CCDC186: variants seen among roughly 807,000 people sequenced by gnomAD.
CCDC186 encodes coiled-coil domain containing 186, also known as coiled-coil domain-containing protein 186.
Under a neutral mutation model 113.7 loss-of-function variants are expected in CCDC186, and 49 were observed. That is an observed-to-expected ratio of 0.43 (90% CI 0.34 to 0.55). The LOEUF (loss-of-function observed/expected upper bound fraction) is 0.55, where lower values mean the gene tolerates loss of function less well. Among genes scored for constraint, CCDC186 ranks in the 20% least tolerant of loss-of-function variants. The probability of loss-of-function intolerance (pLI) is 0.02; values close to 1 mark genes in which losing one functional copy is unlikely to be tolerated. For missense variants in CCDC186, 890 were observed against 1,011.1 expected (o/e 0.88, Z 1.62); for synonymous variants, 355 against 345.8 (o/e 1.03, Z -0.30).
chr10:114,162,424 T>G, intron 2 of CCDC186: 1 of 396,186 alleles, frequency 2.5e-6, no homozygotes, highest in Non-Finnish European at 4.4e-6. Context: ...CGTTAATACA[T>G]TTACACTATT....
At chr10:114,167,749 G>A (rs920147760) in intron 1 of CCDC186, among the ~76,000 whole-genome samples, 7 of 141,306 alleles carry the variant, frequency 5.0e-5, no homozygotes, top group South Asian at 2.3e-4. Context: ...GATTTATTGC[G>A]CCCAGGAGTT....
intron 1 of CCDC186, 120 bp from the exon 2 acceptor site, chr10:114,163,449 A>G: frequency 1.2e-6 from 1 of 821,088 alleles, no homozygotes; most frequent in East Asian, 2.8e-5. Flanking sequence ...CAATTCCTTT[A>G]AAAGCCTGTC....
In CCDC186 at chr10:114,138,476, TAG is replaced by T. The variant is rs2031355229; in HGVS notation, c.1222-1188_1222-1187del. ...ATTCAGCTAATTTTTGTATTTTTAGTAGAGATAGGTTTTGGCCAGGCTGGTCT... is the reference window on the plus strand; with the variant it reads ...ATTCAGCTAATTTTTGTATTTTTAGTAGATAGGTTTTGGCCAGGCTGGTCT... On this transcript the variant is annotated intron_variant, in intron 6 of 15. Transcript: ENST00000369287. Among the ~76,000 whole-genome samples, 7 of 151,610 alleles carry T rather than the reference TAG, an allele frequency of 4.6e-5. 1 individual carries two copies. In the South Asian group the frequency reaches 1.5e-3, roughly 32 times the overall value.
chr10:114,156,254 T>C (rs1033948670), intron 3 of CCDC186, among the ~76,000 whole-genome samples: 2 of 152,270 alleles, frequency 1.3e-5, no homozygotes, highest in African/African-American at 2.4e-5. Context: ...AATTGTTTAC[T>C]GTTATTTTCA....
intron 2 of CCDC186, among the ~76,000 whole-genome samples, chr10:114,159,332 A>C (rs892364258): frequency 6.6e-6 from 1 of 152,222 alleles, no homozygotes; most frequent in Non-Finnish European, 1.5e-5. Flanking sequence ...TCAATTTGTT[A>C]CTTATGTGCC....
chr10:114,164,304 G>C (rs1214501892), intron 1 of CCDC186, among the ~76,000 whole-genome samples: 1 of 151,096 alleles, frequency 6.6e-6, no homozygotes, highest in Non-Finnish European at 1.5e-5. Context: ...GTATTTTTAG[G>C]AAGAGATAGG....
At chr10:114,146,970 AT>A (rs2031657838) in intron 4 of CCDC186, among the ~76,000 whole-genome samples, 1 of 152,196 alleles carries the variant, frequency 6.6e-6, no homozygotes, top group African/African-American at 2.4e-5. Context: ...CCCAATTGGG[AT>A]TTGTTTCCAT....
At position 114,123,603 on chromosome 10, in the gene CCDC186, A is replaced by G. The variant is rs1256735060; in HGVS notation, c.*1540T>C. ...AAACAAGGCTTGCTGCAATATCTGC[A>G]TAAGAGCCACGGTATCTTATTATAG... On this transcript the variant is annotated 3_prime_UTR_variant, in exon 16 of 16. Transcript: ENST00000369287. 1.3e-5 allele frequency: 2 copies of G among 152,200 alleles called. No homozygotes were observed. The highest frequency in any genetic ancestry group is 2.9e-5 in the Non-Finnish European group (2 of 68,036). 9.4% of individuals were successfully genotyped at this position (152,200 alleles called of 1,614,324 possible).
At position 114,163,002 on chromosome 10, in the gene CCDC186, A is replaced by G; in HGVS notation, c.267T>C (p.Asn89=). The G allele has an allele frequency of 6.2e-7, 1 of 1,613,992 alleles. No homozygotes were observed. Among genetic ancestry groups the G allele is most frequent in the Non-Finnish European group, 8.5e-7 (1 of 1,179,964 alleles). Residue 89 remains asparagine (N), a synonymous_variant, in exon 2 of 16, where the codon AAT becomes AAC. Transcript: ENST00000369287. ...SCAKTDTGSE[N]SEQIANFPSG... ...TAGGAAAATTAGCTATTTGTTCAGA[A>G]TTTTCTGAGCCTGTGTCTGTTTTGG...
At chr10:114,143,773 T>A (rs2031549791) in intron 6 of CCDC186, among the ~76,000 whole-genome samples, 2 of 152,224 alleles carry the variant, frequency 1.3e-5, no homozygotes, top group Admixed American at 1.3e-4. Flanking sequence ...TCATTAAGAC[T>A]GTTTGTGAAA....
chr10:114,125,841 T>C (rs1357427433), intron 15 of CCDC186, 45 bp downstream of exon 15: 1 of 1,530,802 alleles, frequency 6.5e-7, no homozygotes, highest in Admixed American at 1.7e-5. Context: ...CAGGCATCAT[T>C]TTGCCATGTT....
chr10:114,157,635 A>T lies in CCDC186; in HGVS notation c.678T>A (p.Ile226=), dbSNP rs1210729159. The stretch of plus-strand genomic sequence containing the variant: ...CTCTTAAATTGTCTTTTTCTGAACA[A>T]ATGTCTACGAAGAGCTCCTGATGCT... ...NKKHQELFVD[I]CSEKDNLREE... The change falls in exon 3 of 16, where the codon ATT becomes ATA. Residue 226 remains isoleucine, a synonymous_variant. Coordinates refer to ENST00000369287, the MANE Select transcript of CCDC186 (RefSeq NM_018017.4). The T allele has an allele frequency of 1.2e-6, 2 of 1,608,188 alleles. No homozygotes were observed. The highest frequency in any genetic ancestry group is 1.7e-6 in the Non-Finnish European group (2 of 1,177,456).
At chr10:114,135,119 T>C (rs2031214629) in intron 9 of CCDC186, 64 bp from the exon 10 acceptor site, 2 of 1,466,680 alleles carry the variant, frequency 1.4e-6, no homozygotes, top group Non-Finnish European at 1.8e-6. Context: ...CTATTTTGTA[T>C]AGTGGTTACA....
In CCDC186 at chr10:114,132,720, G is replaced by A. The variant is rs139740759; in HGVS notation, c.1656-536C>T. Among the ~76,000 whole-genome samples, 386 of 152,262 alleles carry A rather than the reference G, an allele frequency of 2.5e-3. 1 individual carries two copies. Among genetic ancestry groups the A allele is most frequent in the African/African-American group, 9.0e-3 (375 of 41,566 alleles). ...AGCCATGGTTGATCCCTGACCTAAA[G>A]GCAAAGCAGGAGTTACTGGAGAACA... On this transcript the variant is annotated intron_variant, in intron 10 of 15. Transcript: ENST00000369287.
At chr10:114,137,841 A>C (rs1022509947) in intron 6 of CCDC186, among the ~76,000 whole-genome samples, 12 of 151,910 alleles carry the variant, frequency 7.9e-5, no homozygotes, top group African/African-American at 2.9e-4. Context: ...GTTTGAGACC[A>C]GCCTGACCAA....
chr10:114,148,904 G>A (rs116316075), intron 4 of CCDC186, among the ~76,000 whole-genome samples: 406 of 152,346 alleles, frequency 2.7e-3, no homozygotes, highest in African/African-American at 9.2e-3. Flanking sequence ...GAATGTGCGT[G>A]TGCACATGAA....
At chr10:114,142,106 T>C (rs958105632) in intron 6 of CCDC186, among the ~76,000 whole-genome samples, 10 of 152,226 alleles carry the variant, frequency 6.6e-5, no homozygotes, top group Non-Finnish European at 1.2e-4. Context: ...TTCTGGCTTC[T>C]AATGACTGGG....
rs757024135 is a variant in CCDC186, at chr10:114,132,083, G to C, written c.1757C>G (p.Ser586Cys). ...KDIEGSRKRE[S>C]ELLLFTERLT... ...CCTTTCTGTAAACAGCAGCAGCTCAGATTCTCTTTTCCTACTGCCTTCGAT... is the reference window on the plus strand; with the variant it reads ...CCTTTCTGTAAACAGCAGCAGCTCACATTCTCTTTTCCTACTGCCTTCGAT... Residue 586 changes from serine (S) to cysteine (C), a missense_variant, in exon 11 of 16, where the codon TCT (serine) becomes TGT (cysteine). Ser to Cys is a moderately radical substitution (Grantham distance 112). Transcript: ENST00000369287. 6.2e-6 allele frequency: 10 copies of C among 1,613,482 alleles called. No homozygotes were observed. The highest frequency in any genetic ancestry group is 8.5e-6 in the Non-Finnish European group (10 of 1,179,742).
intron 3 of CCDC186, among the ~76,000 whole-genome samples, chr10:114,151,738 A>G (rs1406391298): frequency 6.6e-6 from 1 of 152,206 alleles, no homozygotes; most frequent in African/African-American, 2.4e-5. Flanking sequence ...TGACTATGGC[A>G]GGACGACAGT....
Sources: gnomAD v4.1 joint callset for allele counts (sites outside exome capture counted in the v4.1 genomes callset) on GRCh38, gnomAD v4.1.1 for gene constraint, MANE v1.5 for transcripts, NCBI Gene and HGNC (gene_info 2026-07-23, HGNC 2026-07-21) for gene names.